Variants in KLHL17 observed in about 807,000 individuals in gnomAD.
KLHL17 encodes the protein kelch-like protein 17.
A neutral mutation model predicts 64.6 loss-of-function variants in KLHL17; 71 were observed. The ratio of observed to expected loss-of-function variants is 1.10; its 90% CI spans 0.91 to 1.34. The LOEUF is 1.34. Ranked by LOEUF, KLHL17 falls within the 40% of genes most tolerant of loss-of-function variation. KLHL17 has a pLI of 0.00. For synonymous variants in KLHL17, 612 were observed against 405.4 expected, an observed-to-expected ratio of 1.51 and a Z score of -6.12; for missense variants, 1,140 against 935.0, an observed-to-expected ratio of 1.22 and a Z score of -2.86.
Position 965,275 on chromosome 1 carries a change from T to C in KLHL17, c.*84T>C. On this transcript the variant is annotated 3_prime_UTR_variant, in exon 12 of 12. Transcript: ENST00000338591. ...ACCAGGGACGTCCTGCGCCATCCGT[T>C]CACGTCTCTGCATCCATTCCTTCAT... is the stretch of plus-strand genomic sequence containing the variant. 3 of 1,041,406 alleles carry C rather than the reference T, an allele frequency of 2.9e-6. No homozygotes were observed. The highest frequency in any genetic ancestry group is 4.3e-6 in the Non-Finnish European group (3 of 704,608). The allele number at this position is 1,041,406 out of a possible 1,614,324, so 64.5% of individuals were successfully genotyped here. A position where few individuals can be genotyped will look rare whatever the true frequency, so the allele number is the denominator to read the frequency against.
In KLHL17 at chr1:962,381, C is replaced by T. The variant is rs990241631; in HGVS notation, c.738C>T (p.Ser246=). Residue 246 remains serine (S), a synonymous_variant, in exon 5 of 12, where the codon AGC becomes AGT. Transcript: ENST00000338591. ...TTCTGGAACTGGTCTCTAGCGACAGCCTGAACGTGCCTTCAGAGGAGGAGG... is the reference window on the plus strand; with the variant it reads ...TTCTGGAACTGGTCTCTAGCGACAGTCTGAACGTGCCTTCAGAGGAGGAGG... ...KQVLELVSSD[S]LNVPSEEEVY... The T allele has an allele frequency of 1.2e-6, 2 of 1,612,736 alleles. No individual in the cohort carries two copies. The highest frequency in any genetic ancestry group is 1.1e-5 in the South Asian group (1 of 91,078).
intron 8 of KLHL17, 112 bp downstream of exon 8, chr1:963,616 A>T: frequency 1.6e-6 from 2 of 1,271,242 alleles, no homozygotes; most frequent in Non-Finnish European, 2.1e-6. Context: ...GTGATCCGCG[A>T]GGCCGTTTCA....
chr1:961,229 C>T (rs1642629129), intron 1 of KLHL17, 64 bp from the exon 2 acceptor site: 2 of 1,202,494 alleles, frequency 1.7e-6, no homozygotes, highest in South Asian at 3.7e-5. Flanking sequence ...CCGGGCCCCC[C>T]AGCGGCTCCA....
rs760754466 is a variant in KLHL17 at position 963,979 on chromosome 1, G to A, written c.1415G>A (p.Arg472Gln). The change falls in exon 9 of 12, where the codon CGG (arginine) becomes CAG (glutamine). Residue 472 changes from arginine to glutamine, a missense_variant. Transcript: ENST00000338591. ...TWTSVAAMST[R>Q]RRYVRVATLD... is the part of the protein sequence containing the mutation. ...ACGTCCGTCGCTGCCATGAGCACCC[G>A]GAGGCGCTATGTGCGAGTGGCCACG... 1.8e-5 allele frequency: 29 copies of A among 1,612,486 alleles called. No homozygotes were observed. The highest frequency in any genetic ancestry group is 2.7e-5 in the African/African-American group (2 of 74,922).
chr1:965,220 C>T lies in KLHL17; in HGVS notation c.*29C>T. On this transcript the variant is annotated 3_prime_UTR_variant, in exon 12 of 12. Coordinates refer to ENST00000338591, the MANE Select transcript of KLHL17 (RefSeq NM_198317.3). ...ACCTACCACCAGAGGCCTGCAGCCT[C>T]CCACATGCCTTAAGGGGACCGTGGC... The T allele has an allele frequency of 6.3e-7, 1 of 1,599,042 alleles. No homozygotes were observed. The highest frequency in any genetic ancestry group is 8.6e-7 in the Non-Finnish European group (1 of 1,169,436).
chr1:963,571 TCA>T, intron 8 of KLHL17, 67 bp downstream of exon 8: 1 of 1,510,140 alleles, frequency 6.6e-7, no homozygotes, highest in Non-Finnish European at 8.9e-7. Context: ...TGTGTCACCA[TCA>T]CAGGGGTCGT....
Position 963,136 on chromosome 1 carries a change from G to A in KLHL17, c.1070G>A (p.Gly357Glu), listed in dbSNP as rs1557632374. The stretch of plus-strand genomic sequence containing the variant: ...GGCGGGAGCCTGTTTGCCATCCACG[G>A]AGACTGTGAGGCCTACGACACGCGC... ...VGGGSLFAIH[G>E]DCEAYDTRTD... The change falls in exon 7 of 12, where the codon GGA becomes GAA. Residue 357 changes from glycine (G) to glutamate (E), a missense_variant. Transcript: ENST00000338591. 1.9e-6 allele frequency: 3 copies of A among 1,612,066 alleles called. No individual in the cohort carries two copies. Among genetic ancestry groups the A allele is most frequent in the Non-Finnish European group, 2.5e-6 (3 of 1,179,584 alleles).
rs913832822 is a variant in KLHL17, at chr1:961,058, C to T, written c.108-235C>T. 3.4e-3 allele frequency: 670 copies of T among 195,656 alleles called. 2 individuals carry two copies. Among genetic ancestry groups the T allele is most frequent in the Non-Finnish European group, 5.5e-3 (602 of 108,648 alleles). 12.1% of individuals were successfully genotyped at this position (195,656 alleles called of 1,614,324 possible). A position where few individuals can be genotyped will look rare whatever the true frequency, so the allele number is the denominator to read the frequency against. ...TCGTGGGGGCGCCGGGAAGCGGGGCCGGACGCGGGGCTCTGTTCGCGGCTC... is the reference window on the plus strand; with the variant it reads ...TCGTGGGGGCGCCGGGAAGCGGGGCTGGACGCGGGGCTCTGTTCGCGGCTC... On this transcript the variant is annotated intron_variant, in intron 1 of 11. Coordinates refer to ENST00000338591, the MANE Select transcript of KLHL17 (RefSeq NM_198317.3).
Position 963,095 on chromosome 1 carries a change from C to A in KLHL17, c.1043-14C>A, listed in dbSNP as rs1276542300. 1 of 1,610,232 alleles carries A rather than the reference C, an allele frequency of 6.2e-7. No homozygotes were observed. Among genetic ancestry groups the A allele is most frequent in the Non-Finnish European group, 8.5e-7 (1 of 1,178,880 alleles). On this transcript the variant is annotated splice_polypyrimidine_tract_variant and intron_variant, in intron 6 of 11. Transcript: ENST00000338591. ...GATCCACTCACGAGTCCCGTCTCCA[C>A]CTGCCCTCCCCAGGCGGCGGGAGCC...
At chr1:963,877 T>G in intron 8 of KLHL17, 43 bp from the exon 9 acceptor site, 1 of 1,599,098 alleles carries the variant, frequency 6.3e-7, no homozygotes, top group South Asian at 1.1e-5. Context: ...CGGGACGCCT[T>G]TCTGTCTCTG....
rs1266295991 is a variant in KLHL17, at chr1:961,296, C to G, written c.111C>G (p.Pro37=). 6.0e-6 allele frequency: 9 copies of G among 1,510,912 alleles called. No individual in the cohort carries two copies. The highest frequency in any genetic ancestry group is 2.3e-4 in the Middle Eastern group (1 of 4,278). The allele number at this position is 1,510,912 out of a possible 1,614,324, so 93.6% of individuals were successfully genotyped here. Residue 37 remains proline (P), a synonymous_variant, in exon 2 of 12, where the codon CCC becomes CCG. Transcript: ENST00000338591. The stretch of plus-strand genomic sequence containing the variant: ...CTGACCCGCCCGCCTCCTGCAGCCC[C>G]GAGGCAGAGCGCACGCGGCCCCGGC... ...PPPPPPQPPA[P]EAERTRPRQA...
At position 964,960 on chromosome 1, in the gene KLHL17, C is replaced by G. The variant is rs749745144; in HGVS notation, c.1701-3C>G. 1.3e-6 allele frequency: 2 copies of G among 1,595,794 alleles called. No individual in the cohort carries two copies. The highest frequency in any genetic ancestry group is 1.7e-6 in the Non-Finnish European group (2 of 1,168,072). On this transcript the variant is annotated splice_region_variant and splice_polypyrimidine_tract_variant and intron_variant, in intron 11 of 11. Coordinates refer to ENST00000338591, the MANE Select transcript of KLHL17 (RefSeq NM_198317.3). ...CCAGGGGCTCACCCCGCCTTCCCCC[C>G]AGGAGCACGCATGACCTGGTGGCCA...
Position 962,343 on chromosome 1 carries a change from C to G in KLHL17, c.712-12C>G. The G allele has an allele frequency of 6.2e-7, 1 of 1,612,374 alleles. No individual in the cohort carries two copies. The highest frequency in any genetic ancestry group is 8.5e-7 in the Non-Finnish European group (1 of 1,179,762). The stretch of plus-strand genomic sequence containing the variant: ...CTCCCCAGATCTCAGGTCTGAGGAC[C>G]CCCACTCCCAGGTTCTGGAACTGGT... On this transcript the variant is annotated splice_polypyrimidine_tract_variant and intron_variant, in intron 4 of 11. Coordinates refer to ENST00000338591, the MANE Select transcript of KLHL17 (RefSeq NM_198317.3).
In KLHL17 at chr1:962,381, C is replaced by G. The variant is rs990241631; in HGVS notation, c.738C>G (p.Ser246Arg). ...KQVLELVSSD[S>R]LNVPSEEEVY... is the part of the protein sequence containing the mutation. ...TTCTGGAACTGGTCTCTAGCGACAG[C>G]CTGAACGTGCCTTCAGAGGAGGAGG... Residue 246 changes from serine to arginine, a missense_variant, in exon 5 of 12, where the codon AGC becomes AGG. Ser to Arg is a moderately radical substitution (Grantham distance 110). Coordinates refer to ENST00000338591, the MANE Select transcript of KLHL17 (RefSeq NM_198317.3). 44 of 1,612,736 alleles carry G rather than the reference C, an allele frequency of 2.7e-5. No individual in the cohort carries two copies. Among genetic ancestry groups the G allele is most frequent in the Non-Finnish European group, 3.5e-5 (41 of 1,179,896 alleles).
rs968102968 is a variant in KLHL17, at chr1:961,382, G to C, written c.197G>C (p.Ser66Thr). ...CAGCTGCTGAGCCGCGAGGGCCACA[G>C]CGTGGCCCACAACTCCAAGCGGCAC... is the stretch of plus-strand genomic sequence containing the variant. ...AVQLLSREGH[S>T]VAHNSKRHYH... Residue 66 changes from serine to threonine, a missense_variant, in exon 2 of 12, where the codon AGC (serine) becomes ACC (threonine). By Grantham distance (58) the Ser-to-Thr change is moderately conservative. Coordinates refer to ENST00000338591, the MANE Select transcript of KLHL17 (RefSeq NM_198317.3). 5 of 1,604,484 alleles carry C rather than the reference G, an allele frequency of 3.1e-6. No homozygotes were observed. Among genetic ancestry groups the C allele is most frequent in the Admixed American group, 1.7e-5 (1 of 59,078 alleles).
chr1:961,538 A>G lies in KLHL17; in HGVS notation c.353A>G (p.His118Arg), dbSNP rs1642646210. Residue 118 changes from histidine (H) to arginine (R), a missense_variant, in exon 2 of 12, where the codon CAC becomes CGC. By Grantham distance (29) the His-to-Arg change is conservative. Transcript: ENST00000338591. ...VVLASCSPYF[H>R]AMFTNEMSES... ...CTGGCCTCCTGCAGCCCCTACTTCCACGCCATGTTCACAAGCAAGTACCCG... is the reference window on the plus strand; with the variant it reads ...CTGGCCTCCTGCAGCCCCTACTTCCGCGCCATGTTCACAAGCAAGTACCCG... The G allele has an allele frequency of 6.2e-7, 1 of 1,612,488 alleles. No homozygotes were observed. Among genetic ancestry groups the G allele is most frequent in the Non-Finnish European group, 8.5e-7 (1 of 1,179,920 alleles).
chr1:965,008 G>C lies in KLHL17; in HGVS notation c.1746G>C (p.Val582=), dbSNP rs888445444. 10 of 1,612,236 alleles carry C rather than the reference G, an allele frequency of 6.2e-6. No individual in the cohort carries two copies. The highest frequency in any genetic ancestry group is 1.7e-5 in the Admixed American group (1 of 59,990). ...LVAMDGWLYA[V]GGNDGSSSLN... Reference sequence around the variant, plus strand: ...CCATGGACGGATGGTTGTACGCCGTGGGGGGTAACGACGGTAGCTCCAGCC... The same window carrying C: ...CCATGGACGGATGGTTGTACGCCGTCGGGGGTAACGACGGTAGCTCCAGCC... Residue 582 remains valine (V), a synonymous_variant, in exon 12 of 12, where the codon GTG becomes GTC. Coordinates refer to ENST00000338591, the MANE Select transcript of KLHL17 (RefSeq NM_198317.3).
intron 1 of KLHL17, 63 bp downstream of exon 1, chr1:960,863 C>A: frequency 1.0e-6 from 1 of 965,276 alleles, no homozygotes; most frequent in Non-Finnish European, 1.2e-6. Flanking sequence ...CCCGCCCTCG[C>A]GTCCGCTCGC....
chr1:965,467 C>T lies in KLHL17; in HGVS notation c.*276C>T. On this transcript the variant is annotated 3_prime_UTR_variant, in exon 12 of 12. Coordinates refer to ENST00000338591, the MANE Select transcript of KLHL17 (RefSeq NM_198317.3). Reference sequence around the variant, plus strand: ...AGTGACCAGGCGGGGGCCTCACCGCCCCAGGGCCGTTGCCTGCTCAGACCT... The same window carrying T: ...AGTGACCAGGCGGGGGCCTCACCGCTCCAGGGCCGTTGCCTGCTCAGACCT... The T allele has an allele frequency of 2.0e-6, 1 of 512,298 alleles. No homozygotes were observed. The highest frequency in any genetic ancestry group is 3.3e-5 in the East Asian group (1 of 29,996). The allele number at this position is 512,298 out of a possible 1,614,324, so 31.7% of individuals were successfully genotyped here.
Sources: allele counts gnomAD v4.1 joint callset, GRCh38; gene constraint gnomAD v4.1.1; transcripts MANE v1.5; gene names NCBI Gene and HGNC (gene_info 2026-07-23, HGNC 2026-07-21).